Variants in AMBN observed in about 807,000 individuals in gnomAD.
The protein encoded by AMBN is enamel matrix protein.
In AMBN, 54 loss-of-function variants were observed where a neutral mutation model predicts 48.0. The observed-to-expected ratio is 1.12, with a 90% CI of 0.90 to 1.41. The LOEUF is 1.41. Among genes scored for constraint, AMBN ranks in the 40% most tolerant of loss-of-function variants. The pLI is 0.00. For missense variants in AMBN, 571 were observed against 547.3 expected, an observed-to-expected ratio of 1.04 and a Z score of -0.43; for synonymous variants, 186 against 190.0, an observed-to-expected ratio of 0.98 and a Z score of 0.17.
At chr4:70,593,070 T>C (rs1737309743) in intron 1 of AMBN, among the ~76,000 whole-genome samples, 1 of 152,234 alleles carries the variant, frequency 6.6e-6, no homozygotes, top group Admixed American at 6.5e-5. Context: ...ATGGAGGTTG[T>C]TCCTACATAC....
chr4:70,598,234 T>G, intron 3 of AMBN, 122 bp from the exon 4 acceptor site: 1 of 563,124 alleles, frequency 1.8e-6, no homozygotes, highest in African/African-American at 1.9e-5. Context: ...TTGTGTCTAC[T>G]TTCATTTTAT....
At chr4:70,593,921 A>T (rs1346765164) in intron 2 of AMBN, among the ~76,000 whole-genome samples, 2 of 152,152 alleles carry the variant, frequency 1.3e-5, no homozygotes, top group East Asian at 3.9e-4. Context: ...AAAGTTATTT[A>T]AAATAGTCCC....
chr4:70,597,172 G>A, intron 3 of AMBN, 123 bp downstream of exon 3: 1 of 753,848 alleles, frequency 1.3e-6, no homozygotes, highest in Non-Finnish European at 2.1e-6. Context: ...ATCCTGAGGA[G>A]TGCTAGAAAA....
chr4:70,603,487 T>A, intron 11 of AMBN, 27 bp downstream of exon 11: 2 of 1,594,082 alleles, frequency 1.3e-6, no homozygotes, highest in African/African-American at 1.4e-5. Context: ...TAAAAAGTAT[T>A]GTTTTTAATT....
chr4:70,600,432 G>T (rs1218933479), intron 5 of AMBN, among the ~76,000 whole-genome samples: 1 of 152,056 alleles, frequency 6.6e-6, no homozygotes, highest in African/African-American at 2.4e-5. Context: ...ATTGTGGTTT[G>T]GTAGTAAAAG....
chr4:70,592,356 T>G lies in AMBN; in HGVS notation c.-3T>G. ...GCATCATCAGGCCCTGAGAGCACAGTGCATGTCAGCATCTAAGGTAAAATG... is the reference window on the plus strand; with the variant it reads ...GCATCATCAGGCCCTGAGAGCACAGGGCATGTCAGCATCTAAGGTAAAATG... On this transcript the variant is annotated 5_prime_UTR_variant, in exon 1 of 13. Transcript: ENST00000322937. 1 of 1,614,138 alleles carries G rather than the reference T, an allele frequency of 6.2e-7. No homozygotes were observed. Among genetic ancestry groups the G allele is most frequent in the Non-Finnish European group, 8.5e-7 (1 of 1,179,970 alleles).
chr4:70,599,803 C>T (rs953479833), intron 5 of AMBN, among the ~76,000 whole-genome samples, 157 bp downstream of exon 5: 2 of 152,070 alleles, frequency 1.3e-5, no homozygotes, highest in Non-Finnish European at 1.5e-5. Flanking sequence ...CTGCTTTTAG[C>T]GCTTAAGAAA....
chr4:70,606,322 C>T lies in AMBN; in HGVS notation c.936C>T (p.Ala312=), dbSNP rs1560390214. 1 of 1,614,088 alleles carries T rather than the reference C, an allele frequency of 6.2e-7. No homozygotes were observed. The highest frequency in any genetic ancestry group is 8.5e-7 in the Non-Finnish European group (1 of 1,179,996). The change falls in exon 13 of 13, where the codon GCC becomes GCT. Residue 312 remains alanine, a synonymous_variant. Coordinates refer to ENST00000322937, the MANE Select transcript of AMBN (RefSeq NM_016519.6). The part of the protein sequence containing the change: ...FTLEFDSPVA[A]TKGPENEEGG... ...TGGAATTTGACTCCCCAGTGGCTGC[C>T]ACCAAAGGCCCTGAGAACGAAGAAG... is the stretch of plus-strand genomic sequence containing the variant.
chr4:70,595,747 A>G (rs1437831284), intron 2 of AMBN, among the ~76,000 whole-genome samples: 1 of 152,190 alleles, frequency 6.6e-6, no homozygotes, highest in Non-Finnish European at 1.5e-5. Context: ...GAGACTCTCA[A>G]AATCCAATTT....
rs745638949 is a variant in AMBN, at chr4:70,599,632, C to T, written c.280C>T (p.His94Tyr). Residue 94 changes from histidine to tyrosine, a missense_variant, in exon 5 of 13, where the codon CAT (histidine) becomes TAT (tyrosine). His to Tyr is a moderately conservative substitution (Grantham distance 83). Transcript: ENST00000322937. ...TCTTCCATGGATGAGGCCAAGAGAA[C>T]ATGAAACTCAACAGGTGAGTGAATA... is the stretch of plus-strand genomic sequence containing the variant. ...SSLPWMRPRE[H>Y]ETQQYEYSLP... The T allele has an allele frequency of 6.2e-7, 1 of 1,609,664 alleles. No homozygotes were observed. Among genetic ancestry groups the T allele is most frequent in the South Asian group, 1.1e-5 (1 of 90,580 alleles).
At chr4:70,597,087 A>G (rs1157739629) in intron 3 of AMBN, 38 bp downstream of exon 3, 19 of 1,560,628 alleles carry the variant, frequency 1.2e-5, no homozygotes, top group African/African-American at 2.7e-5. Flanking sequence ...TTAACTTTAC[A>G]TTGGTATATT....
At position 70,606,696 on chromosome 4, in the gene AMBN, T is replaced by C. The variant is rs1360365287; in HGVS notation, c.1310T>C (p.Met437Thr). ...MPGNKAQEPE[M>T]MHDAWHFQEP is the part of the protein sequence containing the mutation. The stretch of plus-strand genomic sequence containing the variant: ...GGAAACAAAGCCCAGGAGCCCGAGA[T>C]GATGCATGACGCATGGCATTTCCAA... Residue 437 changes from methionine to threonine, a missense_variant, in exon 13 of 13, where the codon ATG becomes ACG. Met to Thr is a moderately conservative substitution (Grantham distance 81). Coordinates refer to ENST00000322937, the MANE Select transcript of AMBN (RefSeq NM_016519.6). 2.5e-6 allele frequency: 4 copies of C among 1,613,906 alleles called. No homozygotes were observed. The highest frequency in any genetic ancestry group is 2.2e-5 in the East Asian group (1 of 44,862).
In AMBN at chr4:70,602,991, C is replaced by A. The variant is rs1452041721; in HGVS notation, c.629C>A (p.Ala210Asp). The A allele has an allele frequency of 6.2e-7, 1 of 1,605,540 alleles. No individual in the cohort carries two copies. The highest frequency in any genetic ancestry group is 1.7e-5 in the Admixed American group (1 of 59,384). Residue 210 changes from alanine to aspartate, a missense_variant, in exon 9 of 13, where the codon GCT (alanine) becomes GAT (aspartate). Coordinates refer to ENST00000322937, the MANE Select transcript of AMBN (RefSeq NM_016519.6). ...ATATAGCTCCCAGGATTGGATTTTG[C>A]TGATCCACAAGGTTCAACAGTAAGT... ...QGPSLPGLDF[A>D]DPQGSTIFQI...
intron 12 of AMBN, 99 bp from the exon 13 acceptor site, chr4:70,606,086 G>A: frequency 1.4e-6 from 2 of 1,404,484 alleles, no homozygotes; most frequent in East Asian, 2.3e-5. Context: ...TTCTCCACCA[G>A]TTTTTTAGAG....
intron 1 of AMBN, among the ~76,000 whole-genome samples, chr4:70,593,118 TA>T (rs1465418691): frequency 1.3e-5 from 2 of 152,220 alleles, no homozygotes; most frequent in African/African-American, 4.8e-5. Flanking sequence ...CGTGCTTAGA[TA>T]TTTTTTAATT....
In AMBN at chr4:70,602,633, G is replaced by A. The variant is rs970877326; in HGVS notation, c.541G>A (p.Val181Ile). The A allele has an allele frequency of 1.3e-5, 21 of 1,571,594 alleles. No individual in the cohort carries two copies. In the Admixed American group the frequency reaches 1.9e-4, roughly 15 times the overall value. Residue 181 changes from valine (V) to isoleucine (I), a missense_variant, in exon 7 of 13, where the codon GTA becomes ATA. Physicochemically the swap from Val to Ile is conservative, Grantham distance 29. Transcript: ENST00000322937. ...DKPPKPELPG[V>I]DFADPQGPSL... ...TTTATCTGTGATATAGCTCCCAGGA[G>A]TAGATTTTGCTGATCCACAAGGTCC... is the stretch of plus-strand genomic sequence containing the variant.
At chr4:70,604,270 C>T (rs111863442) in intron 12 of AMBN, among the ~76,000 whole-genome samples, 6 of 152,076 alleles carry the variant, frequency 3.9e-5, no homozygotes, top group African/African-American at 4.8e-5. Context: ...CTTTCTGGGA[C>T]CATTTAACCC....
chr4:70,596,783 T>A (rs1037525432), intron 2 of AMBN, among the ~76,000 whole-genome samples: 1 of 152,354 alleles, frequency 6.6e-6, no homozygotes, highest in African/African-American at 2.4e-5. Flanking sequence ...GGATAGATGA[T>A]GCAGGTGGGA....
rs1315660707 is a variant in AMBN, at chr4:70,606,695, A to G, written c.1309A>G (p.Met437Val). The change falls in exon 13 of 13, where the codon ATG (methionine) becomes GTG (valine). Residue 437 changes from methionine to valine, a missense_variant. By Grantham distance (21) the Met-to-Val change is conservative. Coordinates refer to ENST00000322937, the MANE Select transcript of AMBN (RefSeq NM_016519.6). ...AGGAAACAAAGCCCAGGAGCCCGAG[A>G]TGATGCATGACGCATGGCATTTCCA... ...MPGNKAQEPEMMHDAWHFQEP is the reference protein window; with the variant it reads ...MPGNKAQEPEVMHDAWHFQEP 1 of 1,613,928 alleles carries G rather than the reference A, an allele frequency of 6.2e-7. No individual in the cohort carries two copies. Among genetic ancestry groups the G allele is most frequent in the Admixed American group, 1.7e-5 (1 of 60,016 alleles).
Sources: gnomAD v4.1 joint callset for allele counts (sites outside exome capture counted in the v4.1 genomes callset) on GRCh38, gnomAD v4.1.1 for gene constraint, MANE v1.5 for transcripts, NCBI Gene and HGNC (gene_info 2026-07-23, HGNC 2026-07-21) for gene names.